PDE3B: variants seen among roughly 807,000 people sequenced by gnomAD.
PDE3B encodes the protein phosphodiesterase 3B, also known as cGMP-inhibited 3',5'-cyclic phosphodiesterase 3B.
A neutral mutation model predicts 116.8 loss-of-function variants in PDE3B; 66 were observed. That is an observed-to-expected ratio of 0.56 (90% CI 0.46 to 0.69). The LOEUF (loss-of-function observed/expected upper bound fraction) is 0.69, where lower values mean the gene tolerates loss of function less well. Ranked by LOEUF, PDE3B falls within the 30% of genes least tolerant of loss-of-function variation. PDE3B has a pLI of 0.00. For synonymous variants in PDE3B, 595 were observed against 533.6 expected, an observed-to-expected ratio of 1.12 and a Z score of -1.59; for missense variants, 1,384 against 1,368.1, an observed-to-expected ratio of 1.01 and a Z score of -0.18.
At chr11:14,755,948 C>T (rs1857170355) in intron 1 of PDE3B, among the ~76,000 whole-genome samples, 1 of 152,152 alleles carries the variant, frequency 6.6e-6, no homozygotes, top group Non-Finnish European at 1.5e-5. Flanking sequence ...AGAGTTTCAA[C>T]TATTAGTGTT....
intron 11 of PDE3B, among the ~76,000 whole-genome samples, chr11:14,842,808 T>G (rs2133973038): frequency 6.6e-6 from 1 of 152,352 alleles, no homozygotes; most frequent in South Asian, 2.1e-4. Context: ...AAAACTTAAT[T>G]TTGATACAAA....
At chr11:14,666,754 G>C (rs1217845715) in intron 1 of PDE3B, among the ~76,000 whole-genome samples, 1 of 152,076 alleles carries the variant, frequency 6.6e-6, no homozygotes, top group African/African-American at 2.4e-5. Context: ...ACACCAGTTA[G>C]AATGACAATC....
intron 1 of PDE3B, among the ~76,000 whole-genome samples, chr11:14,686,692 A>C (rs1854883142): frequency 6.6e-6 from 1 of 152,086 alleles, no homozygotes; most frequent in African/African-American, 2.4e-5. Context: ...TCAGTTAACA[A>C]ACTGAATATC....
At chr11:14,828,729 G>A (rs1459469827) in intron 7 of PDE3B, among the ~76,000 whole-genome samples, 11 of 152,018 alleles carry the variant, frequency 7.2e-5, no homozygotes, top group Non-Finnish European at 8.8e-5. Flanking sequence ...AAATTAGTTC[G>A]GTCATTGTGG....
At chr11:14,798,268 G>A (rs971286215) in intron 4 of PDE3B, among the ~76,000 whole-genome samples, 2 of 152,040 alleles carry the variant, frequency 1.3e-5, no homozygotes, top group Admixed American at 6.6e-5. Context: ...GCCTTGCATC[G>A]CAGGGATGAA....
the PDE3B span, chr11:14,880,646 AT>A: frequency 1.9e-6 from 3 of 1,598,454 alleles, no homozygotes; most frequent in Non-Finnish European, 2.6e-6. Context: ...TCATTGAAAA[AT>A]TTGGTTTCTT....
At chr11:14,898,886 C>A in the PDE3B span, among the ~76,000 whole-genome samples, 1 of 152,040 alleles carries the variant, frequency 6.6e-6, no homozygotes, top group South Asian at 2.1e-4. Flanking sequence ...TTAGCCTTCA[C>A]TAGCTTCATT....
intron 4 of PDE3B, among the ~76,000 whole-genome samples, chr11:14,791,946 C>CT (rs1397315893): frequency 3.3e-5 from 5 of 152,124 alleles, no homozygotes; most frequent in Non-Finnish European, 7.4e-5. Flanking sequence ...TTGTTATACT[C>CT]TATTTTTTAC....
At chr11:14,726,688 G>A (rs1216067902) in intron 1 of PDE3B, among the ~76,000 whole-genome samples, 1 of 152,174 alleles carries the variant, frequency 6.6e-6, no homozygotes, top group Non-Finnish European at 1.5e-5. Flanking sequence ...TAAGGACACA[G>A]CTTTGTTGGA....
chr11:14,819,847 A>C (rs984837977), intron 7 of PDE3B, among the ~76,000 whole-genome samples: 1 of 152,144 alleles, frequency 6.6e-6, no homozygotes, highest in East Asian at 1.9e-4. Flanking sequence ...GTGAGCCTGG[A>C]GTTTGGGGCT....
chr11:14,648,016 A>C (rs1469396694), intron 1 of PDE3B, among the ~76,000 whole-genome samples: 1 of 151,822 alleles, frequency 6.6e-6, no homozygotes, highest in Admixed American at 6.6e-5. Context: ...GTTAATGGAA[A>C]GAAGCACTGA....
At chr11:14,722,251 G>A (rs1466727068) in intron 1 of PDE3B, among the ~76,000 whole-genome samples, 2 of 151,844 alleles carry the variant, frequency 1.3e-5, no homozygotes, top group Non-Finnish European at 2.9e-5. Flanking sequence ...CATGGCACAT[G>A]TATACATATG....
At chr11:14,653,023 T>C (rs1243450666) in intron 1 of PDE3B, among the ~76,000 whole-genome samples, 1 of 152,260 alleles carries the variant, frequency 6.6e-6, no homozygotes, top group Non-Finnish European at 1.5e-5. Flanking sequence ...GAGCATTTTA[T>C]TCTTTTCAAT....
chr11:14,818,596 A>T (rs1859409050), intron 6 of PDE3B, among the ~76,000 whole-genome samples: 1 of 152,090 alleles, frequency 6.6e-6, no homozygotes, highest in Admixed American at 6.6e-5. Flanking sequence ...CTTATTGATG[A>T]TATTGAGGAC....
the PDE3B span, among the ~76,000 whole-genome samples, chr11:14,888,475 T>C: frequency 3.9e-4 from 60 of 152,194 alleles, no homozygotes; most frequent in African/African-American, 1.4e-3. Flanking sequence ...TTTTCAACCT[T>C]TGCTTGGTTT....
At chr11:14,675,508 C>T (rs1437349100) in intron 1 of PDE3B, among the ~76,000 whole-genome samples, 3 of 152,110 alleles carry the variant, frequency 2.0e-5, no homozygotes, top group Non-Finnish European at 2.9e-5. Context: ...CCTTGAACTT[C>T]TTTCCGGTCT....
intron 1 of PDE3B, among the ~76,000 whole-genome samples, chr11:14,759,800 G>C (rs1857304834): frequency 6.6e-6 from 1 of 152,026 alleles, no homozygotes; most frequent in Non-Finnish European, 1.5e-5. Flanking sequence ...GCCCGCCTTG[G>C]CCTCCCAAAG....
At chr11:14,877,291 A>C in the PDE3B span, 1 of 152,154 alleles carries the variant, frequency 6.6e-6, no homozygotes, top group Non-Finnish European at 1.5e-5. Flanking sequence ...ATTTGAATAT[A>C]ATTATCTTTA....
At chr11:14,801,692 C>T (rs961792757) in intron 4 of PDE3B, among the ~76,000 whole-genome samples, 2 of 152,218 alleles carry the variant, frequency 1.3e-5, no homozygotes, top group African/African-American at 2.4e-5. Flanking sequence ...CTCTTCAGAG[C>T]CATTGGGCAG....
Sources: allele counts gnomAD v4.1 joint callset (sites outside exome capture counted in the v4.1 genomes callset), GRCh38; gene constraint gnomAD v4.1.1; transcripts MANE v1.5; gene names NCBI Gene and HGNC (gene_info 2026-07-23, HGNC 2026-07-21).